The following CLCN6 variants were observed in gnomAD, a reference collection of about 807,000 sequenced individuals.
CLCN6 encodes the protein Cl-/H+ antiporter 6.
In CLCN6, 70 loss-of-function variants were observed where a neutral mutation model predicts 109.8. The observed-to-expected ratio is 0.64, with a 90% CI of 0.53 to 0.78. The LOEUF is 0.78. Among genes scored for constraint, CLCN6 ranks in the 30% least tolerant of loss-of-function variants. CLCN6 has a pLI of 0.00. For missense variants in CLCN6, 984 were observed against 1,142.3 expected (o/e 0.86, Z 2.00); for synonymous variants, 444 against 447.8 (o/e 0.99, Z 0.11).
At position 11,834,308 on chromosome 1, in the gene CLCN6, G is replaced by A. The variant is rs1238080960; in HGVS notation, c.1599G>A (p.Val533=). 6.2e-7 allele frequency: 1 copy of A among 1,614,080 alleles called. No homozygotes were observed. The highest frequency in any genetic ancestry group is 1.3e-5 in the African/African-American group (1 of 75,012). The change falls in exon 16 of 23, where the codon GTG becomes GTA. Residue 533 remains valine, a synonymous_variant. Coordinates refer to ENST00000346436, the MANE Select transcript of CLCN6 (RefSeq NM_001286.5). This position sits in a 1 kb window ranked among gnomAD's most constrained non-coding sequence, Gnocchi z 4.5. ...GTGCAGCGGCTTTCTTGGGCGGGGTGGTCCGCATGACCATCAGCCTCACGG... is the reference window on the plus strand; with the variant it reads ...GTGCAGCGGCTTTCTTGGGCGGGGTAGTCCGCATGACCATCAGCCTCACGG... ...LIGAAAFLGG[V]VRMTISLTVI...
At chr1:11,839,103 T>G in intron 22 of CLCN6, 2 of 587,660 alleles carry the variant, frequency 3.4e-6, no homozygotes, top group Non-Finnish European at 6.1e-6. Context: ...ATTTTCTTAT[T>G]ACACAAATAT....
In CLCN6 at chr1:11,840,126, C is replaced by T. The variant is rs1031635960; in HGVS notation, c.2530-17C>T. On this transcript the variant is annotated splice_polypyrimidine_tract_variant and intron_variant, in intron 22 of 22. Coordinates refer to ENST00000346436, the MANE Select transcript of CLCN6 (RefSeq NM_001286.5). ...GGTTTTACCCTGAAGGTGACTCAGG[C>T]CTTCTCTTTGCCCTAGATCGTGGGG... 1.2e-6 allele frequency: 2 copies of T among 1,611,136 alleles called. No individual in the cohort carries two copies. Among genetic ancestry groups the T allele is most frequent in the South Asian group, 1.1e-5 (1 of 91,070 alleles).
chr1:11,811,486 G>A (rs560039152), intron 2 of CLCN6, among the ~76,000 whole-genome samples: 3 of 151,834 alleles, frequency 2.0e-5, no homozygotes, highest in African/African-American at 7.2e-5. Flanking sequence ...GGGTTCAAGT[G>A]ATTCTCCTGC....
intron 22 of CLCN6, among the ~76,000 whole-genome samples, chr1:11,839,752 G>T (rs1023459497): frequency 2.6e-5 from 4 of 152,240 alleles, no homozygotes; most frequent in Non-Finnish European, 4.4e-5. Flanking sequence ...GTAACGACCT[G>T]TAACAAATGA....
chr1:11,839,104 A>C (rs1644988209), intron 22 of CLCN6: 5 of 587,808 alleles, frequency 8.5e-6, no homozygotes. Context: ...TTTTCTTATT[A>C]CACAAATATT....
intron 11 of CLCN6, 101 bp downstream of exon 11, chr1:11,828,320 T>A: frequency 7.0e-7 from 1 of 1,431,926 alleles, no homozygotes; most frequent in South Asian, 1.2e-5. Flanking sequence ...AGGTACAACT[T>A]CCAGGGACAC....
intron 5 of CLCN6, 97 bp from the exon 6 acceptor site, chr1:11,822,598 C>T (rs1426049313): frequency 1.4e-6 from 1 of 714,544 alleles, no homozygotes; most frequent in East Asian, 2.5e-5. Context: ...CACTCAGCAG[C>T]CAGCATGATC....
At chr1:11,812,505 C>A (rs907663065) in intron 2 of CLCN6, among the ~76,000 whole-genome samples, 5 of 152,156 alleles carry the variant, frequency 3.3e-5, no homozygotes, top group South Asian at 4.1e-4. Context: ...GCTTCGGTCT[C>A]CTCCCTGGAG....
At chr1:11,824,134 C>A (rs1214145673) in intron 7 of CLCN6, among the ~76,000 whole-genome samples, 1 of 152,148 alleles carries the variant, frequency 6.6e-6, no homozygotes, top group Non-Finnish European at 1.5e-5. Context: ...GCTTTGTGGG[C>A]CAAGAATCAG....
At chr1:11,818,482 TCAAGCTGA>T (rs1371008019) in intron 4 of CLCN6, among the ~76,000 whole-genome samples, 4 of 152,220 alleles carry the variant, frequency 2.6e-5, no homozygotes, top group Non-Finnish European at 5.9e-5. Flanking sequence ...TAAGTGTTAC[TCAAGCTGA>T]AGCAACTTTA....
rs1644761295 is a variant in CLCN6, at chr1:11,822,698, TGGA to T, written c.355_357del (p.Glu119del). 1.9e-6 allele frequency: 3 copies of T among 1,608,838 alleles called. No individual in the cohort carries two copies. Among genetic ancestry groups the T allele is most frequent in the Non-Finnish European group, 8.5e-7 (1 of 1,175,458 alleles). On this transcript the variant is annotated inframe_deletion, in exon 6 of 23. Coordinates refer to ENST00000346436, the MANE Select transcript of CLCN6 (RefSeq NM_001286.5). Reference sequence around the variant, plus strand: ...TTCCTTAACCCAGTTTCCGCAGCGGTGGAGGAGTGCAGCCAGAAAGGCTGCCTC... The same window carrying T: ...TTCCTTAACCCAGTTTCCGCAGCGGTGGAGTGCAGCCAGAAAGGCTGCCTC...
chr1:11,819,337 C>T lies in CLCN6; in HGVS notation c.280-151C>T, dbSNP rs958685438. On this transcript the variant is annotated intron_variant, in intron 4 of 22. Coordinates refer to ENST00000346436, the MANE Select transcript of CLCN6 (RefSeq NM_001286.5). ...GGAGAAGGGATCTCCTCCTTCTGCG[C>T]TTTTCTGCTGTGCATTCACGTACTG... 4 of 713,276 alleles carry T rather than the reference C, an allele frequency of 5.6e-6. No individual in the cohort carries two copies. The African/African-American group carries it at 7.0e-5, about 12-fold the overall frequency. 44.2% of individuals were successfully genotyped at this position (713,276 alleles called of 1,614,324 possible). A position where few individuals can be genotyped will look rare whatever the true frequency, so the allele number is the denominator to read the frequency against.
chr1:11,816,360 C>T (rs198391), intron 3 of CLCN6, among the ~76,000 whole-genome samples: 85,912 of 152,018 alleles, frequency 0.57, 24,913 homozygotes, highest in East Asian at 0.77. Flanking sequence ...ATGCTATCTG[C>T]AAGGTAGGCC....
intron 8 of CLCN6, 77 bp downstream of exon 8, chr1:11,824,630 G>C: frequency 8.5e-7 from 1 of 1,175,902 alleles, no homozygotes. Context: ...AAATCCATTG[G>C]GACACCCTGA....
intron 14 of CLCN6, 21 bp downstream of exon 14, chr1:11,833,659 C>T (rs768717718): frequency 6.2e-7 from 1 of 1,612,446 alleles, no homozygotes; most frequent in Non-Finnish European, 8.5e-7. Flanking sequence ...GCACTGCAGC[C>T]CAATCGTGGG....
intron 4 of CLCN6, among the ~76,000 whole-genome samples, chr1:11,818,798 C>T (rs898803058): frequency 2.6e-5 from 4 of 152,190 alleles, no homozygotes; most frequent in Non-Finnish European, 5.9e-5. Flanking sequence ...AAGCCTGGCA[C>T]AGTGGGGTGT....
At chr1:11,833,481 T>C in intron 13 of CLCN6, 34 bp from the exon 14 acceptor site, 1 of 1,610,960 alleles carries the variant, frequency 6.2e-7, no homozygotes, top group Admixed American at 1.7e-5. Context: ...AAGTCAGGTG[T>C]CCTTGTACTG....
At chr1:11,811,319 G>A (rs1229651083) in intron 2 of CLCN6, among the ~76,000 whole-genome samples, 1 of 151,906 alleles carries the variant, frequency 6.6e-6, no homozygotes, top group Non-Finnish European at 1.5e-5. Flanking sequence ...CATGTAGAGT[G>A]TACAATTCAA....
At position 11,824,520 on chromosome 1, in the gene CLCN6, C is replaced by T. The variant is rs1172343408; in HGVS notation, c.615C>T (p.His205=). 1.2e-6 allele frequency: 2 copies of T among 1,613,758 alleles called. No individual in the cohort carries two copies. The highest frequency in any genetic ancestry group is 1.7e-6 in the Non-Finnish European group (2 of 1,179,784). Residue 205 remains histidine (H), a synonymous_variant, in exon 8 of 23, where the codon CAC becomes CAT. Transcript: ENST00000346436. ...LFVEKEGPMI[H]SGSVVGAGLP... is the part of the protein sequence containing the mutation. ...TGGAGAAGGAAGGCCCCATGATCCA[C>T]AGTGGTTCGGTGGTGGGAGCTGGCC...
Sources: allele counts gnomAD v4.1 joint callset (sites outside exome capture counted in the v4.1 genomes callset), GRCh38; gene constraint gnomAD v4.1.1; non-coding constraint Gnocchi (gnomAD v3.1); transcripts MANE v1.5; gene names NCBI Gene and HGNC (gene_info 2026-07-23, HGNC 2026-07-21).